ALKBH8: variants seen among roughly 807,000 people sequenced by gnomAD.
ALKBH8 encodes the protein tRNA (carboxymethyluridine(34)-5-O)-methyltransferase ALKBH8.
A neutral mutation model predicts 59.8 loss-of-function variants in ALKBH8; 36 were observed. That is an observed-to-expected ratio of 0.60 (90% confidence interval 0.46 to 0.79). The LOEUF is 0.79. Ranked by LOEUF, ALKBH8 falls within the 30% of genes least tolerant of loss-of-function variation. The pLI is 0.00. For missense variants in ALKBH8, 768 were observed against 801.0 expected, an observed-to-expected ratio of 0.96 and a Z score of 0.50; for synonymous variants, 276 against 273.6, an observed-to-expected ratio of 1.01 and a Z score of -0.09.
chr11:107,553,059 A>G, intron 5 of ALKBH8, 49 bp downstream of exon 5: 1 of 1,117,550 alleles, frequency 8.9e-7, no homozygotes. Flanking sequence ...TTCTACTAAT[A>G]TATTAATATT....
At position 107,549,770 on chromosome 11, in the gene ALKBH8, G is replaced by A. The variant is rs1188541376; in HGVS notation, c.754C>T (p.Leu252Phe). 11 of 1,549,800 alleles carry A rather than the reference G, an allele frequency of 7.1e-6. No individual in the cohort carries two copies. Among genetic ancestry groups the A allele is most frequent in the Non-Finnish European group, 9.6e-6 (11 of 1,145,408 alleles). The change falls in exon 7 of 12, where the codon CTC (leucine) becomes TTC (phenylalanine). Residue 252 changes from leucine to phenylalanine, a missense_variant. Leu to Phe is a conservative substitution (Grantham distance 22). Coordinates refer to ENST00000428149, the MANE Select transcript of ALKBH8 (RefSeq NM_138775.3). ...HSAFEDEIVS[L>F]SLGSEIVMDF... ...CCATTTACCTCTGACCCCAAACTGA[G>A]AGAAACGATCTCATCCTCAAAAGCG...
chr11:107,549,356 C>T (rs1012172673), intron 7 of ALKBH8, among the ~76,000 whole-genome samples: 10 of 152,120 alleles, frequency 6.6e-5, no homozygotes, highest in Admixed American at 2.0e-4. Context: ...AGGTAACATA[C>T]GGAAAAAGTT....
intron 7 of ALKBH8, among the ~76,000 whole-genome samples, chr11:107,533,059 A>AT (rs1863664705): frequency 6.6e-6 from 1 of 152,120 alleles, no homozygotes; most frequent in Non-Finnish European, 1.5e-5. Context: ...AAAAAGGAAC[A>AT]TTTTCGGCAA....
chr11:107,550,750 G>A (rs1864454693), intron 6 of ALKBH8, among the ~76,000 whole-genome samples: 1 of 152,104 alleles, frequency 6.6e-6, no homozygotes, highest in Non-Finnish European at 1.5e-5. Context: ...AATTAAAGAC[G>A]TCATAAGTGT....
At chr11:107,507,500 G>A (rs1862438804) in intron 11 of ALKBH8, among the ~76,000 whole-genome samples, 1 of 151,806 alleles carries the variant, frequency 6.6e-6, no homozygotes, top group Non-Finnish European at 1.5e-5. Flanking sequence ...AAAAATGGTT[G>A]AAAAAAAGAT....
chr11:107,556,178 T>C (rs1163572085), intron 3 of ALKBH8, among the ~76,000 whole-genome samples: 8 of 152,106 alleles, frequency 5.3e-5, no homozygotes, highest in African/African-American at 2.4e-5. Context: ...CTTAGGAGGC[T>C]GAGGCAGGAG....
intron 11 of ALKBH8, among the ~76,000 whole-genome samples, chr11:107,506,768 A>C (rs1231008860): frequency 6.6e-6 from 1 of 152,208 alleles, no homozygotes; most frequent in East Asian, 1.9e-4. Context: ...AGCTGAGAGA[A>C]TGTGTCACTA....
rs932251920 is a variant in ALKBH8 at position 107,542,625 on chromosome 11, C to A, written c.771+7128G>T. Among the ~76,000 whole-genome samples the A allele has an allele frequency of 3.3e-5, 5 of 152,166 alleles. No individual in the cohort carries two copies. In the East Asian group the frequency reaches 9.6e-4, roughly 29 times the overall value. On this transcript the variant is annotated intron_variant, in intron 7 of 11. Transcript: ENST00000428149. ...AAATACATTTCAAGAATATTTGACA[C>A]CAACCAGGTGCAATGGTTCATGCCT... is the stretch of plus-strand genomic sequence containing the variant.
chr11:107,549,104 G>C (rs1253121152), intron 7 of ALKBH8, among the ~76,000 whole-genome samples: 2 of 152,110 alleles, frequency 1.3e-5, no homozygotes, highest in Non-Finnish European at 2.9e-5. Context: ...GCCCGCCTCA[G>C]CCTCCCAAAG....
intron 11 of ALKBH8, among the ~76,000 whole-genome samples, chr11:107,507,476 C>T (rs1040605857): frequency 2.6e-5 from 4 of 151,880 alleles, no homozygotes; most frequent in East Asian, 1.9e-4. Context: ...AAAAATAAGA[C>T]GAGACCATTT....
rs758063833 is a variant in ALKBH8, at chr11:107,544,746, C to G, written c.771+5007G>C. On this transcript the variant is annotated intron_variant, in intron 7 of 11. Coordinates refer to ENST00000428149, the MANE Select transcript of ALKBH8 (RefSeq NM_138775.3). ...CTAAAGAACCCACATGAGAATTACACTCTTTTCCCACATCTACATCAATAT... is the reference window on the plus strand; with the variant it reads ...CTAAAGAACCCACATGAGAATTACAGTCTTTTCCCACATCTACATCAATAT... Among the ~76,000 whole-genome samples the G allele has an allele frequency of 4.3e-4, 65 of 151,778 alleles. 1 individual carries two copies. Among genetic ancestry groups the G allele is most frequent in the Non-Finnish European group, 8.0e-4 (54 of 67,906 alleles).
intron 10 of ALKBH8, among the ~76,000 whole-genome samples, chr11:107,518,786 C>T (rs577209440): frequency 1.5e-5 from 2 of 129,510 alleles, no homozygotes; most frequent in Admixed American, 8.3e-5. Flanking sequence ...TAATGACTGG[C>T]TTGCTGTTAA....
chr11:107,540,238 A>G (rs1345147949), intron 7 of ALKBH8, among the ~76,000 whole-genome samples: 1 of 152,232 alleles, frequency 6.6e-6, no homozygotes, highest in Non-Finnish European at 1.5e-5. Flanking sequence ...AGTTAAAAAG[A>G]AAACACCACA....
intron 10 of ALKBH8, among the ~76,000 whole-genome samples, chr11:107,516,659 G>A (rs1862875188): frequency 6.6e-6 from 1 of 152,176 alleles, no homozygotes; most frequent in Admixed American, 6.5e-5. Flanking sequence ...TCAGAGGGAA[G>A]AGACAACCTA....
At chr11:107,522,754 T>C (rs7109955) in intron 9 of ALKBH8, among the ~76,000 whole-genome samples, 199 bp from the exon 10 acceptor site, 38,843 of 151,938 alleles carry the variant, frequency 0.26, 5,633 homozygotes, top group East Asian at 0.47. Context: ...TGCAGTGAGC[T>C]ATGATCGTGC....
intron 7 of ALKBH8, among the ~76,000 whole-genome samples, chr11:107,536,767 G>A (rs573988966): frequency 4.6e-5 from 7 of 152,228 alleles, no homozygotes; most frequent in Middle Eastern, 3.4e-3. Flanking sequence ...TGTCTTTGAG[G>A]TTTCCAACTC....
chr11:107,556,806 T>C lies in ALKBH8; in HGVS notation c.327A>G (p.Leu109=), dbSNP rs562308889. 1.4e-6 allele frequency: 2 copies of C among 1,459,206 alleles called. No individual in the cohort carries two copies. Among genetic ancestry groups the C allele is most frequent in the East Asian group, 5.1e-5 (2 of 38,836 alleles). The allele number at this position is 1,459,206 out of a possible 1,614,324, so 90.4% of individuals were successfully genotyped here. ...TCAAATACAGAGTGATCTTTTGTCCTAAATCATCCACTACTTCTTTTCCAT... is the reference window on the plus strand; with the variant it reads ...TCAAATACAGAGTGATCTTTTGTCCCAAATCATCCACTACTTCTTTTCCAT... ...TLNGKEVVDD[L]GQKITLYLNF... is the part of the protein sequence containing the mutation. Residue 109 remains leucine, a synonymous_variant, in exon 3 of 12, where the codon TTA becomes TTG. Transcript: ENST00000428149.
intron 4 of ALKBH8, among the ~76,000 whole-genome samples, chr11:107,553,412 CCAAT>C (rs1357787738): frequency 3.3e-5 from 5 of 151,966 alleles, no homozygotes; most frequent in South Asian, 2.1e-4. Context: ...AGAGTTTTAC[CCAAT>C]CAATCTGAAA....
chr11:107,549,883 G>T, intron 6 of ALKBH8, 60 bp from the exon 7 acceptor site: 2 of 1,192,974 alleles, frequency 1.7e-6, no homozygotes, highest in South Asian at 1.4e-5. Context: ...ATTTAAGATG[G>T]CTATAAATGT....
Sources: gnomAD v4.1 joint callset for allele counts (sites outside exome capture counted in the v4.1 genomes callset) on GRCh38, gnomAD v4.1.1 for gene constraint, MANE v1.5 for transcripts, NCBI Gene and HGNC (gene_info 2026-07-23, HGNC 2026-07-21) for gene names.